Variants in PARL observed in about 807,000 individuals in gnomAD.
PARL encodes the protein presenilin associated rhomboid like.
In PARL, 44 loss-of-function variants were observed where a neutral mutation model predicts 51.6. The ratio of observed to expected loss-of-function variants is 0.85; its 90% CI spans 0.67 to 1.10. The LOEUF is 1.10. Among genes scored for constraint, PARL ranks in the 50% least tolerant of loss-of-function variants. The pLI, the probability that PARL is intolerant of heterozygous loss-of-function variation, is 0.00. For missense variants in PARL, 441 were observed against 469.5 expected (o/e 0.94, Z 0.56); for synonymous variants, 172 against 164.0 (o/e 1.05, Z -0.37).
chr3:183,843,110 C>G (rs1365932788), intron 5 of PARL: 1 of 643,100 alleles, frequency 1.6e-6, no homozygotes, highest in African/African-American at 2.0e-5. Flanking sequence ...TCTCGAACTC[C>G]TGAGCTCAAG....
chr3:183,844,007 C>T (rs1729654215), intron 5 of PARL, among the ~76,000 whole-genome samples: 1 of 152,130 alleles, frequency 6.6e-6, no homozygotes, highest in Non-Finnish European at 1.5e-5. Flanking sequence ...CCACTGCACT[C>T]CAGCCTGGGC....
chr3:183,833,721 T>C lies in PARL; in HGVS notation c.930+3A>G, dbSNP rs368535016. 3.1e-6 allele frequency: 5 copies of C among 1,590,790 alleles called. No individual in the cohort carries two copies. In the African/African-American group the frequency reaches 5.4e-5, roughly 17 times the overall value. ...CAGCACTGCACTTCATAAAAATACT[T>C]ACATTCCCTGCTGTGAACGTGAACA... On this transcript the variant is annotated splice_donor_region_variant and intron_variant, in intron 8 of 9. Transcript: ENST00000317096.
At chr3:183,861,438 G>A (rs1242251037) in intron 4 of PARL, 1 of 152,904 alleles carries the variant, frequency 6.5e-6, no homozygotes, top group African/African-American at 2.4e-5. Context: ...AATTACATAA[G>A]GCACACTGCA....
chr3:183,882,523 TA>T (rs1370418656), intron 1 of PARL, among the ~76,000 whole-genome samples: 2 of 151,974 alleles, frequency 1.3e-5, no homozygotes, highest in African/African-American at 4.8e-5. Flanking sequence ...ACAATTCAAC[TA>T]TTTTCTTCCC....
chr3:183,868,031 C>A lies in PARL; in HGVS notation c.155G>T (p.Gly52Val). Residue 52 changes from glycine (G) to valine (V), a missense_variant, in exon 2 of 10, where the codon GGA (glycine) becomes GTA (valine). Coordinates refer to ENST00000317096, the MANE Select transcript of PARL (RefSeq NM_018622.7). ...RFNFFIQQKC[G>V]FRKAPRKVEP... ...AACCTTCCTGGGTGCTTTTCTGAAT[C>A]CGCATTTTTGTTGAATAAAGAAGTT... is the stretch of plus-strand genomic sequence containing the variant. 1 of 1,614,122 alleles carries A rather than the reference C, an allele frequency of 6.2e-7. No individual in the cohort carries two copies. Among genetic ancestry groups the A allele is most frequent in the Non-Finnish European group, 8.5e-7 (1 of 1,179,996 alleles).
chr3:183,874,233 T>G (rs1733536068), intron 1 of PARL, among the ~76,000 whole-genome samples: 1 of 152,110 alleles, frequency 6.6e-6, no homozygotes, highest in Non-Finnish European at 1.5e-5. Flanking sequence ...TAATGTTGTG[T>G]AGGTTCTGAC....
chr3:183,850,370 G>C (rs1336565064), intron 4 of PARL, among the ~76,000 whole-genome samples: 1 of 152,102 alleles, frequency 6.6e-6, no homozygotes, highest in African/African-American at 2.4e-5. Flanking sequence ...CTTTGGTCTT[G>C]TTTTCTGTAT....
chr3:183,871,194 T>C (rs948962511), intron 1 of PARL, among the ~76,000 whole-genome samples: 3 of 152,154 alleles, frequency 2.0e-5, no homozygotes, highest in African/African-American at 7.2e-5. Flanking sequence ...GGTGGTACTA[T>C]ACTCAAAGTA....
At chr3:183,850,795 AG>A (rs1315235507) in intron 4 of PARL, among the ~76,000 whole-genome samples, 2 of 152,230 alleles carry the variant, frequency 1.3e-5, no homozygotes, top group African/African-American at 2.4e-5. Flanking sequence ...ATCATGACCA[AG>A]TGGAATTTGT....
intron 5 of PARL, 85 bp from the exon 6 acceptor site, chr3:183,842,532 G>A (rs2108611575): frequency 1.0e-5 from 13 of 1,287,668 alleles, no homozygotes; most frequent in South Asian, 6.0e-5. Flanking sequence ...AAATTAGGCC[G>A]GACGCAGTGG....
chr3:183,833,663 AC>A, intron 8 of PARL, 60 bp downstream of exon 8: 3 of 1,451,214 alleles, frequency 2.1e-6, no homozygotes, highest in Non-Finnish European at 2.9e-6. Flanking sequence ...AAGGGCAAGA[AC>A]CCACTCAACA....
intron 7 of PARL, among the ~76,000 whole-genome samples, chr3:183,836,228 A>G (rs1237598939): frequency 6.7e-6 from 1 of 148,526 alleles, no homozygotes; most frequent in Admixed American, 6.8e-5. Flanking sequence ...AAAAAAAAAA[A>G]AAAAAAAAAA....
chr3:183,836,227 A>T, intron 7 of PARL, among the ~76,000 whole-genome samples: 1 of 48,688 alleles, frequency 2.1e-5, no homozygotes, highest in Non-Finnish European at 5.4e-5. Flanking sequence ...CAAAAAAAAA[A>T]AAAAAAAAAA....
chr3:183,869,538 ATATTAT>A (rs1170077310), intron 1 of PARL, among the ~76,000 whole-genome samples: 3 of 151,908 alleles, frequency 2.0e-5, no homozygotes, highest in Non-Finnish European at 4.4e-5. Context: ...ATAATAATGT[ATATTAT>A]TATTATTAAG....
rs1729165645 is a variant in PARL at position 183,840,515 on chromosome 3, T to C, written c.828+55A>G. 4 of 842,262 alleles carry C rather than the reference T, an allele frequency of 4.7e-6. No homozygotes were observed. In the South Asian group the frequency reaches 6.6e-5, roughly 14 times the overall value. The allele number at this position is 842,262 out of a possible 1,614,324, so 52.2% of individuals were successfully genotyped here. On this transcript the variant is annotated intron_variant, in intron 7 of 9. Transcript: ENST00000317096. The stretch of plus-strand genomic sequence containing the variant: ...CAACATTCTTCTAAGTCTAAACTTA[T>C]TTCAAAGTAAATTTAAAAATTAAAT...
At chr3:183,880,172 C>A (rs1734282926) in intron 1 of PARL, among the ~76,000 whole-genome samples, 1 of 152,116 alleles carries the variant, frequency 6.6e-6, no homozygotes, top group Non-Finnish European at 1.5e-5. Flanking sequence ...AAATAAATTA[C>A]TTACCTGAAT....
chr3:183,863,614 T>C (rs1275991716), intron 3 of PARL, among the ~76,000 whole-genome samples: 1 of 151,980 alleles, frequency 6.6e-6, no homozygotes, highest in Admixed American at 6.6e-5. Context: ...TCTTTTTTTT[T>C]CTTTTTAAGA....
At chr3:183,860,733 T>C (rs1341426224) in intron 4 of PARL, among the ~76,000 whole-genome samples, 1 of 152,030 alleles carries the variant, frequency 6.6e-6, no homozygotes, top group African/African-American at 2.4e-5. Context: ...TCAAAGAATG[T>C]GAGGTATAAA....
At chr3:183,861,324 T>C (rs1032595341) in intron 4 of PARL, 2 of 588,188 alleles carry the variant, frequency 3.4e-6, no homozygotes, top group South Asian at 7.5e-5. Context: ...TTTAACTGAG[T>C]GCCCTTACTG....
Sources: gnomAD v4.1 joint callset for allele counts (sites outside exome capture counted in the v4.1 genomes callset) on GRCh38, gnomAD v4.1.1 for gene constraint, MANE v1.5 for transcripts, NCBI Gene and HGNC (gene_info 2026-07-23, HGNC 2026-07-21) for gene names.